The following SHROOM3 variants were observed in gnomAD, a reference collection of about 807,000 sequenced individuals.
The protein encoded by SHROOM3 is shroom family member 3.
Under a neutral mutation model 138.6 loss-of-function variants are expected in SHROOM3, and 47 were observed. That is an observed-to-expected ratio of 0.34 (90% CI 0.27 to 0.43). SHROOM3 has a LOEUF of 0.43. Ranked by LOEUF, SHROOM3 falls within the 20% of genes least tolerant of loss-of-function variation. SHROOM3 has a pLI of 1.00. For missense variants in SHROOM3, 2,491 were observed against 2,596.5 expected (o/e 0.96, Z 0.88); for synonymous variants, 1,062 against 1,063.3 (o/e 1.00, Z 0.02).
At chr4:76,496,786 A>G (rs897364559) in intron 1 of SHROOM3, among the ~76,000 whole-genome samples, 1 of 99,758 alleles carries the variant, frequency 1.0e-5, no homozygotes, top group Non-Finnish European at 2.5e-5. Context: ...ATTCTTACTC[A>G]TCCTTTCCAT....
chr4:76,713,983 C>T (rs1414397766), intron 3 of SHROOM3, among the ~76,000 whole-genome samples: 3 of 152,112 alleles, frequency 2.0e-5, no homozygotes, highest in Admixed American at 1.3e-4. Flanking sequence ...CATCTAGTTA[C>T]GCTCAGATCC....
At chr4:76,560,523 C>A (rs1033562930) in intron 2 of SHROOM3, among the ~76,000 whole-genome samples, 2 of 152,176 alleles carry the variant, frequency 1.3e-5, no homozygotes, top group African/African-American at 4.8e-5. Flanking sequence ...TTTTCCTTGG[C>A]AAATCTAACC....
At chr4:76,479,957 T>C (rs1423733510) in intron 1 of SHROOM3, among the ~76,000 whole-genome samples, 1 of 152,150 alleles carries the variant, frequency 6.6e-6, no homozygotes, top group Non-Finnish European at 1.5e-5. Context: ...AGGCCTACCT[T>C]ACAAGAGCTT....
chr4:76,771,837 C>G (rs557106540), intron 10 of SHROOM3, among the ~76,000 whole-genome samples: 1 of 152,328 alleles, frequency 6.6e-6, no homozygotes, highest in South Asian at 2.1e-4. Context: ...ATAGAGCATT[C>G]TTCATCCACT....
At chr4:76,680,997 T>C (rs1409451533) in intron 2 of SHROOM3, among the ~76,000 whole-genome samples, 1 of 152,204 alleles carries the variant, frequency 6.6e-6, no homozygotes, top group Non-Finnish European at 1.5e-5. Context: ...ATGACACTGG[T>C]ATAAAAGTTG....
chr4:76,676,648 G>T (rs888941815), intron 2 of SHROOM3, among the ~76,000 whole-genome samples: 1 of 152,108 alleles, frequency 6.6e-6, no homozygotes, highest in Non-Finnish European at 1.5e-5. Flanking sequence ...CCAGACAAAG[G>T]AAAATGGAGG....
intron 2 of SHROOM3, chr4:76,688,412 T>C: frequency 3.0e-6 from 3 of 985,396 alleles, no homozygotes; most frequent in Non-Finnish European, 3.6e-6. Context: ...AGGTTTCTAT[T>C]TCCTACCTAG....
chr4:76,471,658 C>T (rs1421055708), intron 1 of SHROOM3, among the ~76,000 whole-genome samples: 1 of 152,166 alleles, frequency 6.6e-6, no homozygotes, highest in Non-Finnish European at 1.5e-5. Flanking sequence ...AGCCTGACAT[C>T]CCAGTCAGAA....
intron 2 of SHROOM3, among the ~76,000 whole-genome samples, chr4:76,633,332 C>CA (rs56002974): frequency 0.088 from 7,342 of 83,402 alleles, 316 homozygotes; most frequent in East Asian, 0.13. Flanking sequence ...GACTCAGTCT[C>CA]AAAAAAAAAA....
intron 1 of SHROOM3, among the ~76,000 whole-genome samples, chr4:76,528,400 C>T (rs967586395): frequency 1.4e-5 from 2 of 142,266 alleles, no homozygotes; most frequent in African/African-American, 5.3e-5. Context: ...CCAGGATGTA[C>T]TTGAACTCTT....
chr4:76,461,469 A>C (rs1249544245), intron 1 of SHROOM3, among the ~76,000 whole-genome samples: 1 of 152,220 alleles, frequency 6.6e-6, no homozygotes. Flanking sequence ...CGGAAACAGA[A>C]TTCACACTAG....
At chr4:76,589,017 T>C (rs145000832) in intron 2 of SHROOM3, among the ~76,000 whole-genome samples, 66 of 152,362 alleles carry the variant, frequency 4.3e-4, no homozygotes, top group African/African-American at 1.5e-3. Flanking sequence ...TCACACAATT[T>C]TGCTTCTTAG....
intron 9 of SHROOM3, among the ~76,000 whole-genome samples, chr4:76,765,179 C>A (rs1031052546): frequency 6.6e-6 from 1 of 150,382 alleles, no homozygotes; most frequent in Non-Finnish European, 1.5e-5. Flanking sequence ...AAAATAGTTT[C>A]TATTTCTTTG....
intron 1 of SHROOM3, among the ~76,000 whole-genome samples, chr4:76,547,835 C>G (rs984977218): frequency 6.6e-6 from 1 of 151,780 alleles, no homozygotes; most frequent in African/African-American, 2.4e-5. Flanking sequence ...GACACTGAGG[C>G]AGGAGAATCA....
chr4:76,675,703 A>C (rs1412788891), intron 2 of SHROOM3, among the ~76,000 whole-genome samples: 1 of 152,174 alleles, frequency 6.6e-6, no homozygotes, highest in Non-Finnish European at 1.5e-5. Flanking sequence ...AAAAAATTTA[A>C]AGATTATCTG....
intron 4 of SHROOM3, among the ~76,000 whole-genome samples, chr4:76,735,788 C>T (rs1721023508): frequency 1.5e-5 from 2 of 137,772 alleles, no homozygotes; most frequent in East Asian, 4.6e-4. Flanking sequence ...TGCAGTGAGC[C>T]GAGATTGCGC....
chr4:76,736,013 GAA>G (rs35582803), intron 4 of SHROOM3, among the ~76,000 whole-genome samples: 1 of 151,070 alleles, frequency 6.6e-6, no homozygotes, highest in Non-Finnish European at 1.5e-5. Context: ...TCCTTTCAAT[GAA>G]AGACTGCTAA....
At chr4:76,568,902 T>G (rs1445528451) in intron 2 of SHROOM3, among the ~76,000 whole-genome samples, 1 of 152,218 alleles carries the variant, frequency 6.6e-6, no homozygotes, top group African/African-American at 2.4e-5. Context: ...GCCAGTGACT[T>G]CACCTCTCAC....
rs1365432421 is a variant in SHROOM3, at chr4:76,442,943, G to A, written c.168+6723G>A. Among the ~76,000 whole-genome samples, 3 of 152,270 alleles carry A rather than the reference G, an allele frequency of 2.0e-5. No homozygotes were observed. The South Asian group carries it at 6.2e-4, about 32-fold the overall frequency. ...AGAGAGGATATTCTTAAAAATCTTT[G>A]TTAGAAGCTACCTAGGCCAGTGTGC... On this transcript the variant is annotated intron_variant, in intron 1 of 10. Transcript: ENST00000296043.
Sources: allele counts gnomAD v4.1 joint callset (sites outside exome capture counted in the v4.1 genomes callset), GRCh38; gene constraint gnomAD v4.1.1; transcripts MANE v1.5; gene names NCBI Gene and HGNC (gene_info 2026-07-23, HGNC 2026-07-21).